The following FAM200B variants were observed in gnomAD, a reference collection of about 807,000 sequenced individuals.
FAM200B encodes the protein zinc finger BED-type containing 11.
A neutral mutation model predicts 33.1 loss-of-function variants in FAM200B; 32 were observed. The observed-to-expected ratio is 0.97, with a 90% confidence interval of 0.73 to 1.30. The LOEUF is 1.30. Among genes scored for constraint, FAM200B ranks in the 50% most tolerant of loss-of-function variants. FAM200B has a pLI of 0.00. For missense variants in FAM200B, 741 were observed against 754.0 expected (o/e 0.98, Z 0.20); for synonymous variants, 240 against 264.8 (o/e 0.91, Z 0.91).
chr4:15,665,839 G>C, the FAM200B span, among the ~76,000 whole-genome samples: 2 of 152,178 alleles, frequency 1.3e-5, no homozygotes, highest in African/African-American at 4.8e-5. Context: ...GCTGTTGGTA[G>C]GAATCCGATG....
the FAM200B span, among the ~76,000 whole-genome samples, chr4:15,673,382 A>C: frequency 3.5e-4 from 54 of 152,260 alleles, no homozygotes; most frequent in Non-Finnish European, 6.5e-4. Flanking sequence ...TCGAGGCTGC[A>C]GTGAGCCAAG....
chr4:15,668,877 G>A, the FAM200B span, among the ~76,000 whole-genome samples: 1 of 152,116 alleles, frequency 6.6e-6, no homozygotes. Flanking sequence ...TTAAATCTCA[G>A]CTAATTAATT....
the FAM200B span, among the ~76,000 whole-genome samples, chr4:15,661,157 C>G: frequency 6.6e-6 from 1 of 152,074 alleles, no homozygotes; most frequent in Non-Finnish European, 1.5e-5. Context: ...TAGTTCCATT[C>G]ACTTTCCCTA....
chr4:15,664,534 A>G, the FAM200B span, among the ~76,000 whole-genome samples: 1 of 148,444 alleles, frequency 6.7e-6, no homozygotes, highest in South Asian at 2.2e-4. Flanking sequence ...TTCCCCCACC[A>G]AAGTGGGCCC....
the FAM200B span, among the ~76,000 whole-genome samples, chr4:15,659,184 T>A: frequency 6.6e-6 from 1 of 152,236 alleles, no homozygotes; most frequent in Non-Finnish European, 1.5e-5. Context: ...CCTGACATTA[T>A]GTAATAATGT....
At chr4:15,653,097 T>C in the FAM200B span, among the ~76,000 whole-genome samples, 2 of 151,696 alleles carry the variant, frequency 1.3e-5, no homozygotes, top group Admixed American at 6.6e-5. Flanking sequence ...AGATGTAAAA[T>C]TCCTATGCAT....
rs1197302107 is a variant in FAM200B, at chr4:15,689,586, C to CAACAT, written c.*637_*641dup. Reference sequence around the variant, plus strand: ...CCCAGGAGTTCAAGACCATCCTGGGCAACATAGTGAGACCTTATTTCTACT... The same window carrying CAACAT: ...CCCAGGAGTTCAAGACCATCCTGGGCAACATAACATAGTGAGACCTTATTTCTACT... On this transcript the variant is annotated 3_prime_UTR_variant, in exon 2 of 2. Transcript: ENST00000422728. 1 of 165,882 alleles carries CAACAT rather than the reference C, an allele frequency of 6.0e-6. No homozygotes were observed. Among genetic ancestry groups the CAACAT allele is most frequent in the Non-Finnish European group, 1.5e-5 (1 of 68,120 alleles). The allele number at this position is 165,882 out of a possible 1,614,324, so 10.3% of individuals were successfully genotyped here. A position where few individuals can be genotyped will look rare whatever the true frequency, so the allele number is the denominator to read the frequency against.
At position 15,687,120 on chromosome 4, in the gene FAM200B, C is replaced by T. The variant is rs919091639; in HGVS notation, c.143C>T (p.Ser48Leu). 6.5e-7 allele frequency: 1 copy of T among 1,548,546 alleles called. No homozygotes were observed. The highest frequency in any genetic ancestry group is 8.7e-7 in the Non-Finnish European group (1 of 1,145,924). Residue 48 changes from serine to leucine, a missense_variant, in exon 2 of 2, where the codon TCA (serine) becomes TTA (leucine). Transcript: ENST00000422728. ...NTDSNLQTST[S>L]FEPHFKKKKV... Reference sequence around the variant, plus strand: ...GACTCCAATCTGCAAACTTCAACTTCATTTGAGCCACATTTCAAAAAGAAA... The same window carrying T: ...GACTCCAATCTGCAAACTTCAACTTTATTTGAGCCACATTTCAAAAAGAAA...
At chr4:15,644,662 A>G in the FAM200B span, 1 of 1,613,270 alleles carries the variant, frequency 6.2e-7, no homozygotes, top group East Asian at 2.2e-5. Flanking sequence ...CAAAGACTGC[A>G]GAAGAGCACG....
At chr4:15,637,902 TAAAA>T in the FAM200B span, among the ~76,000 whole-genome samples, 1 of 144,802 alleles carries the variant, frequency 6.9e-6, no homozygotes, top group East Asian at 2.0e-4. Context: ...CTAGTTTTTT[TAAAA>T]AAAAAAAAAA....
At chr4:15,639,514 A>G in the FAM200B span, among the ~76,000 whole-genome samples, 3 of 152,252 alleles carry the variant, frequency 2.0e-5, no homozygotes. Context: ...AGAATTATCT[A>G]TGGAGATTTC....
chr4:15,658,169 G>A, the FAM200B span, among the ~76,000 whole-genome samples: 2 of 152,202 alleles, frequency 1.3e-5, no homozygotes, highest in African/African-American at 2.4e-5. Context: ...ATTTCACTCC[G>A]TTTGAGTATG....
At chr4:15,667,570 CAGG>C in the FAM200B span, among the ~76,000 whole-genome samples, 1 of 151,954 alleles carries the variant, frequency 6.6e-6, no homozygotes, top group African/African-American at 2.4e-5. Context: ...TAGATTGAAA[CAGG>C]AGATCTTTTT....
the FAM200B span, among the ~76,000 whole-genome samples, chr4:15,649,704 G>GA: frequency 6.6e-6 from 1 of 151,414 alleles, no homozygotes; most frequent in Non-Finnish European, 1.5e-5. Context: ...ACTTTATGGA[G>GA]AAAAAAAACC....
upstream of FAM200B, among the ~76,000 whole-genome samples, chr4:15,676,932 C>T (rs766569954): frequency 1.3e-5 from 2 of 152,070 alleles, no homozygotes; most frequent in Admixed American, 6.5e-5. Flanking sequence ...AAAGTAGTCA[C>T]GAATGGCCCA....
At chr4:15,683,306 A>T (rs1718519607) in intron 1 of FAM200B, among the ~76,000 whole-genome samples, 1 of 152,008 alleles carries the variant, frequency 6.6e-6, no homozygotes, top group South Asian at 2.1e-4. Context: ...TATTGAGTTA[A>T]AAAAAAACTT....
Position 15,687,188 on chromosome 4 carries a change from G to T in FAM200B, c.211G>T (p.Gly71Cys). Residue 71 changes from glycine to cysteine, a missense_variant, in exon 2 of 2, where the codon GGC becomes TGC. Transcript: ENST00000422728. Reference protein sequence around the residue: ...RRYNEDYLKYGFIKCEKPFEN... With the variant: ...RRYNEDYLKYCFIKCEKPFEN... ...TTATAATGAAGATTACTTAAAATAT[G>T]GCTTTATCAAATGTGAAAAACCCTT... The T allele has an allele frequency of 6.5e-7, 1 of 1,537,948 alleles. No individual in the cohort carries two copies. Among genetic ancestry groups the T allele is most frequent in the South Asian group, 1.2e-5 (1 of 81,120 alleles).
At chr4:15,655,461 T>C in the FAM200B span, 1 of 899,650 alleles carries the variant, frequency 1.1e-6, no homozygotes. Flanking sequence ...CGCCATGCGA[T>C]CCCTGCGGCC....
the FAM200B span, among the ~76,000 whole-genome samples, chr4:15,669,818 T>C: frequency 6.6e-6 from 1 of 152,192 alleles, no homozygotes; most frequent in Non-Finnish European, 1.5e-5. Flanking sequence ...ACCACATATT[T>C]TACTGATATT....
Sources: gnomAD v4.1 joint callset for allele counts (sites outside exome capture counted in the v4.1 genomes callset) on GRCh38, gnomAD v4.1.1 for gene constraint, MANE v1.5 for transcripts, NCBI Gene and HGNC (gene_info 2026-07-23, HGNC 2026-07-21) for gene names.